Variants in SORCS2 observed in about 807,000 individuals in gnomAD.
SORCS2 encodes the protein VPS10 domain-containing receptor SorCS2.
Under a neutral mutation model 141.6 loss-of-function variants are expected in SORCS2, and 100 were observed. The observed-to-expected ratio is 0.71, with a 90% CI of 0.60 to 0.83. The LOEUF (loss-of-function observed/expected upper bound fraction) is 0.83. Among genes scored for constraint, SORCS2 ranks in the 40% least tolerant of loss-of-function variants. The pLI is 0.00. For missense variants in SORCS2, 1,646 were observed against 1,560.2 expected (o/e 1.05, Z -0.93); for synonymous variants, 789 against 676.9 (o/e 1.17, Z -2.57).
chr4:7,483,764 G>A (rs193111805), intron 2 of SORCS2, among the ~76,000 whole-genome samples: 275 of 152,134 alleles, frequency 1.8e-3, no homozygotes, highest in Admixed American at 2.3e-3. Context: ...GGGGGCCAGG[G>A]GAGGGAGAGC....
chr4:7,375,485 G>A (rs1245576768), intron 1 of SORCS2, among the ~76,000 whole-genome samples: 1 of 152,180 alleles, frequency 6.6e-6, no homozygotes. Flanking sequence ...GCAAGATCTG[G>A]TATGGCTGGG....
chr4:7,650,845 C>A (rs1278694423), intron 4 of SORCS2, among the ~76,000 whole-genome samples: 1 of 151,642 alleles, frequency 6.6e-6, no homozygotes, highest in Non-Finnish European at 1.5e-5. Context: ...CCTGAATCTG[C>A]AACAAAACAC....
Position 7,340,070 on chromosome 4 carries a change from TG to T in SORCS2, c.481-56214del, listed in dbSNP as rs560875958. 3.6e-4 allele frequency among the ~76,000 whole-genome samples: 55 copies of T among 152,332 alleles called. No individual in the cohort carries two copies. The South Asian group carries it at 0.011, about 32-fold the overall frequency. ...GCCTGTGGGGCACTGGCCCAGGTGC[TG>T]GGGCTGCCAGGCCGCATGTTCAGGA... On this transcript the variant is annotated intron_variant, in intron 1 of 26. Coordinates refer to ENST00000507866, the MANE Select transcript of SORCS2 (RefSeq NM_020777.3).
intron 4 of SORCS2, among the ~76,000 whole-genome samples, chr4:7,652,883 T>C (rs1483535250): frequency 6.6e-6 from 1 of 152,196 alleles, no homozygotes; most frequent in Non-Finnish European, 1.5e-5. Flanking sequence ...GTGAAAAATG[T>C]TGACAATCAG....
At chr4:7,686,034 A>C (rs921581913) in intron 10 of SORCS2, among the ~76,000 whole-genome samples, 3 of 152,216 alleles carry the variant, frequency 2.0e-5, no homozygotes, top group Admixed American at 6.5e-5. Flanking sequence ...CACGTTATGA[A>C]GTTGTCATTG....
chr4:7,658,067 ATGAGTGAC>A (rs1172685109), intron 5 of SORCS2, among the ~76,000 whole-genome samples: 2 of 149,210 alleles, frequency 1.3e-5, no homozygotes, highest in South Asian at 2.2e-4. Context: ...GATTGAGCAA[ATGAGTGAC>A]TGAGTGAGTG....
intron 2 of SORCS2, among the ~76,000 whole-genome samples, chr4:7,504,114 A>T (rs974046212): frequency 2.0e-5 from 3 of 152,204 alleles, no homozygotes; most frequent in Non-Finnish European, 2.9e-5. Flanking sequence ...GGGGTAGGGC[A>T]GGGGCCTCTG....
chr4:7,625,663 C>T (rs956062179), intron 3 of SORCS2, among the ~76,000 whole-genome samples: 1 of 147,224 alleles, frequency 6.8e-6, no homozygotes, highest in Admixed American at 6.8e-5. Context: ...TTAACCCTTA[C>T]AGTCACTCCC....
intron 2 of SORCS2, among the ~76,000 whole-genome samples, chr4:7,509,633 A>C (rs547138627): frequency 7.9e-5 from 12 of 152,340 alleles, no homozygotes; most frequent in African/African-American, 2.4e-4. Flanking sequence ...ACCACCAGGA[A>C]GAAGGGGCCT....
rs879872769 is a variant in SORCS2, at chr4:7,740,555, C to T, written c.*291C>T. ...CACACACGGCCGCCCCACGTGCTGT[C>T]GCTCAGCCCGAGGCCTGACTTCTCT... On this transcript the variant is annotated 3_prime_UTR_variant, in exon 27 of 27. Transcript: ENST00000507866. 2.7e-4 allele frequency: 127 copies of T among 474,974 alleles called. No individual in the cohort carries two copies. Among genetic ancestry groups the T allele is most frequent in the Admixed American group, 6.9e-4 (21 of 30,640 alleles). The allele number at this position is 474,974 out of a possible 1,614,324, so 29.4% of individuals were successfully genotyped here.
intron 2 of SORCS2, among the ~76,000 whole-genome samples, chr4:7,526,720 T>C (rs1733718028): frequency 6.6e-6 from 1 of 152,034 alleles, no homozygotes; most frequent in Non-Finnish European, 1.5e-5. Flanking sequence ...TAAGAGCGAG[T>C]CTCTCAGCTG....
chr4:7,544,440 A>G lies in SORCS2; in HGVS notation c.648+12811A>G, dbSNP rs1343381401. The stretch of plus-strand genomic sequence containing the variant: ...AGATGGCAGACCTTAGTGGGAGCAT[A>G]TGGAGGCTCTAGGATGGGACAGGCA... On this transcript the variant is annotated intron_variant, in intron 3 of 26. Transcript: ENST00000507866. Among the ~76,000 whole-genome samples the G allele has an allele frequency of 3.3e-5, 5 of 152,198 alleles. No homozygotes were observed. The South Asian group carries it at 8.3e-4, about 25-fold the overall frequency.
At chr4:7,442,937 T>C (rs962616370) in intron 2 of SORCS2, among the ~76,000 whole-genome samples, 2 of 152,138 alleles carry the variant, frequency 1.3e-5, no homozygotes, top group African/African-American at 4.8e-5. Flanking sequence ...GGCTCCTTCC[T>C]GCTTCCTCCC....
At chr4:7,673,147 G>A (rs950710759) in intron 8 of SORCS2, among the ~76,000 whole-genome samples, 1 of 152,088 alleles carries the variant, frequency 6.6e-6, no homozygotes, top group African/African-American at 2.4e-5. Flanking sequence ...ACTCTAATCA[G>A]CAAATATTTT....
At chr4:7,417,493 G>A (rs1051492461) in intron 2 of SORCS2, among the ~76,000 whole-genome samples, 1 of 152,148 alleles carries the variant, frequency 6.6e-6, no homozygotes, top group Admixed American at 6.5e-5. Flanking sequence ...AGAAGCATGG[G>A]CACCCTAATT....
At chr4:7,485,511 C>G (rs998441885) in intron 2 of SORCS2, among the ~76,000 whole-genome samples, 6 of 152,270 alleles carry the variant, frequency 3.9e-5, no homozygotes, top group African/African-American at 1.4e-4. Context: ...CTTTGGGGCC[C>G]CATGGGAAGC....
At chr4:7,610,815 T>C (rs9291139) in intron 3 of SORCS2, among the ~76,000 whole-genome samples, 100,981 of 151,908 alleles carry the variant, frequency 0.66, 35,141 homozygotes, top group African/African-American at 0.79. Context: ...GGAGCCAAGG[T>C]GGGTGGAAGA....
rs1037952048 is a variant in SORCS2, at chr4:7,520,527, T to C, written c.549-11003T>C. Among the ~76,000 whole-genome samples, 9 of 152,212 alleles carry C rather than the reference T, an allele frequency of 5.9e-5. No homozygotes were observed. The East Asian group carries it at 1.7e-3, about 30-fold the overall frequency. ...CATTCTGGAACGATCTGCTAGTGAG[T>C]GTCACAGCCCCCAGCACCAGTGGGC... On this transcript the variant is annotated intron_variant, in intron 2 of 26. Transcript: ENST00000507866.
chr4:7,500,114 C>A (rs991021458), intron 2 of SORCS2, among the ~76,000 whole-genome samples: 2 of 152,188 alleles, frequency 1.3e-5, no homozygotes, highest in East Asian at 3.9e-4. Flanking sequence ...CCCCATCCTG[C>A]CTGTAACCCA....
Sources: gnomAD v4.1 joint callset for allele counts (sites outside exome capture counted in the v4.1 genomes callset) on GRCh38, gnomAD v4.1.1 for gene constraint, MANE v1.5 for transcripts, NCBI Gene and HGNC (gene_info 2026-07-23, HGNC 2026-07-21) for gene names.